The following DGKA variants were observed in gnomAD, a reference collection of about 807,000 sequenced individuals.
DGKA encodes the protein 80 kDa diacylglycerol kinase.
A neutral mutation model predicts 105.0 loss-of-function variants in DGKA; 35 were observed. That is an observed-to-expected ratio of 0.33 (90% CI 0.25 to 0.44). The LOEUF is 0.44. Ranked by LOEUF, DGKA falls within the 20% of genes least tolerant of loss-of-function variation. The pLI is 1.00. For synonymous variants in DGKA, 296 were observed against 332.0 expected (o/e 0.89, Z 1.18); for missense variants, 665 against 915.0 (o/e 0.73, Z 3.53).
At chr12:55,930,774 A>ACAC (rs1446336923), upstream of DGKA, 35 of 40,910 alleles carry the variant, frequency 8.6e-4, no homozygotes, top group African/African-American at 6.8e-3. Context: ...TCCAGTTTGG[A>ACAC]TACAACAATA....
chr12:55,937,566 G>A, intron 4 of DGKA, 23 bp downstream of exon 4: 1 of 1,604,972 alleles, frequency 6.2e-7, no homozygotes, highest in Non-Finnish European at 8.5e-7. Flanking sequence ...AGGTAGGACT[G>A]GGCTAAGCCT....
chr12:55,952,156 C>T lies in DGKA; in HGVS notation c.1652+57C>T. ...CACAGTGTCAGGAGCCAGGTTTTGA[C>T]CAAGTTTGACTCAGATTGCTCAGAA... is the stretch of plus-strand genomic sequence containing the variant. On this transcript the variant is annotated intron_variant, in intron 19 of 23. Transcript: ENST00000331886. This position sits in a 1 kb window ranked among gnomAD's most constrained non-coding sequence, Gnocchi z 5.1. 6.2e-7 allele frequency: 1 copy of T among 1,607,036 alleles called. No individual in the cohort carries two copies. Among genetic ancestry groups the T allele is most frequent in the Non-Finnish European group, 8.5e-7 (1 of 1,173,874 alleles).
rs540528692 is a variant in DGKA, at chr12:55,940,027, A to G, written c.710-55A>G. 6.0e-6 allele frequency: 9 copies of G among 1,489,062 alleles called. No individual in the cohort carries two copies. In the Admixed American group the frequency reaches 1.5e-4, roughly 25 times the overall value. 92.2% of individuals were successfully genotyped at this position (1,489,062 alleles called of 1,614,324 possible). ...GATCCTGCCTCACCCTCAGGTAAGA[A>G]GGAAATAGGGGGAGAGGCTCAGCTA... is the stretch of plus-strand genomic sequence containing the variant. On this transcript the variant is annotated intron_variant, in intron 9 of 23. Transcript: ENST00000331886. This position sits in a 1 kb window ranked among gnomAD's most constrained non-coding sequence, Gnocchi z 4.3.
In DGKA at chr12:55,937,692, G is replaced by A. The variant is rs1311648756; in HGVS notation, c.274+149G>A. ...GTCAGGCTGGTCTAGGAGCTAAAGG[G>A]AGGAAAGGTAAAGGGGAAAGGTAAG... On this transcript the variant is annotated intron_variant, in intron 4 of 23. Coordinates refer to ENST00000331886, the MANE Select transcript of DGKA (RefSeq NM_001345.5). 6.4e-6 allele frequency: 7 copies of A among 1,089,872 alleles called. No homozygotes were observed. The South Asian group carries it at 9.3e-5, about 15-fold the overall frequency. 67.5% of individuals were successfully genotyped at this position (1,089,872 alleles called of 1,614,324 possible).
chr12:55,938,417 T>C (rs771842893), intron 5 of DGKA, 94 bp from the exon 6 acceptor site: 15 of 1,525,410 alleles, frequency 9.8e-6, no homozygotes, highest in Non-Finnish European at 1.3e-5. Flanking sequence ...ACCCAAAAGC[T>C]CTCTCCCTGT....
At position 55,953,788 on chromosome 12, in the gene DGKA, CAA is replaced by C; in HGVS notation, c.*21_*22del. 1 of 1,611,352 alleles carries C rather than the reference CAA, an allele frequency of 6.2e-7. No individual in the cohort carries two copies. The highest frequency in any genetic ancestry group is 8.5e-7 in the Non-Finnish European group (1 of 1,177,536). ...AGCTAAGGGGGACACCCTTGGCCTC[CAA>C]GCCAGCCTTGAACCCACCTCCCTGT... On this transcript the variant is annotated 3_prime_UTR_variant, in exon 24 of 24. Coordinates refer to ENST00000331886, the MANE Select transcript of DGKA (RefSeq NM_001345.5).
At position 55,953,687 on chromosome 12, in the gene DGKA, C is replaced by G. The variant is rs199767962; in HGVS notation, c.2127C>G (p.Ile709Met). The G allele has an allele frequency of 1.8e-5, 29 of 1,614,050 alleles. No individual in the cohort carries two copies. The African/African-American group carries it at 3.2e-4, about 18-fold the overall frequency. Residue 709 changes from isoleucine to methionine, a missense_variant and splice_region_variant, in exon 24 of 24, where the codon ATC becomes ATG. Around this residue, in one of 3 missense-constraint regions of DGKA, gnomAD observed 158 missense variants for 213.4 expected, o/e 0.74. Transcript: ENST00000331886. ...GAATGTGCTCCCTTCCCTTCCAGAT[C>G]AAGATCACCCACAAGAACCAGATGC... ...GEPWMQTPCT[I>M]KITHKNQMPM...
In DGKA at chr12:55,952,746, C is replaced by T; in HGVS notation, c.1756C>T (p.Pro586Ser). The change falls in exon 21 of 24, where the codon CCG (proline) becomes TCG (serine). Residue 586 changes from proline to serine, a missense_variant. By Grantham distance (74) the Pro-to-Ser change is moderately conservative. Around this residue, in one of 3 missense-constraint regions of DGKA, gnomAD observed 158 missense variants for 213.4 expected, o/e 0.74. Transcript: ENST00000331886. This position sits in a 1 kb window ranked among gnomAD's most constrained non-coding sequence, Gnocchi z 5.1. ...CCCCTCCTCTCAGATCTGTGGGAAA[C>T]CGCTGGATCTGAGCAACCTGTCCCT... ...ESLTVEICGK[P>S]LDLSNLSLEG... is the part of the protein sequence containing the mutation. The T allele has an allele frequency of 1.2e-6, 2 of 1,614,030 alleles. No homozygotes were observed. Among genetic ancestry groups the T allele is most frequent in the Non-Finnish European group, 1.7e-6 (2 of 1,180,018 alleles).
chr12:55,936,287 G>A lies in DGKA; in HGVS notation c.-81-136G>A, dbSNP rs142727493. 3.5e-4 allele frequency: 339 copies of A among 975,302 alleles called. 1 individual carries two copies. Among genetic ancestry groups the A allele is most frequent in the Admixed American group, 1.1e-3 (35 of 31,586 alleles). The allele number at this position is 975,302 out of a possible 1,614,324, so 60.4% of individuals were successfully genotyped here. ...GGGAAGAGGGACACAGGGAAAGGAA[G>A]ATGTTTAGGGAGGGACTAGGAGAGA... On this transcript the variant is annotated intron_variant, in intron 1 of 23. Transcript: ENST00000331886.
intron 1 of DGKA, among the ~76,000 whole-genome samples, chr12:55,933,861 C>T (rs1002749837): frequency 6.6e-6 from 1 of 152,162 alleles, no homozygotes; most frequent in Non-Finnish European, 1.5e-5. Flanking sequence ...TAGGTACTAC[C>T]CTTGTGTAAT....
chr12:55,936,891 C>G, intron 2 of DGKA, 126 bp from the exon 3 acceptor site: 1 of 930,554 alleles, frequency 1.1e-6, no homozygotes, highest in Non-Finnish European at 1.8e-6. Context: ...ATTTTTCCCT[C>G]TGTATTTCTG....
chr12:55,947,859 C>T (rs540085040), intron 17 of DGKA, among the ~76,000 whole-genome samples: 29 of 152,202 alleles, frequency 1.9e-4, no homozygotes, highest in East Asian at 1.8e-3. Context: ...AGTACAATCT[C>T]GGCTCACTGC....
intron 2 of DGKA, chr12:55,936,769 C>A: frequency 1.1e-6 from 1 of 896,992 alleles, no homozygotes; most frequent in Non-Finnish European, 1.8e-6. Flanking sequence ...TCTAACTGGG[C>A]TGCATTGTGC....
upstream of DGKA, chr12:55,927,511 C>G: frequency 1.4e-6 from 1 of 692,948 alleles, no homozygotes; most frequent in East Asian, 2.7e-5. Context: ...CTGGCCTGCA[C>G]CCAGATCTCA....
chr12:55,952,577 C>T lies in DGKA; in HGVS notation c.1743+146C>T. 8.5e-7 allele frequency: 1 copy of T among 1,178,228 alleles called. No individual in the cohort carries two copies. Among genetic ancestry groups the T allele is most frequent in the Non-Finnish European group, 1.2e-6 (1 of 804,104 alleles). The allele number at this position is 1,178,228 out of a possible 1,614,324, so 73.0% of individuals were successfully genotyped here. On this transcript the variant is annotated intron_variant, in intron 20 of 23. Transcript: ENST00000331886. This position sits in a 1 kb window ranked among gnomAD's most constrained non-coding sequence, Gnocchi z 5.1. Reference sequence around the variant, plus strand: ...CTCTCCTACCCCAATTCTCCAAGTCCTCAAGATACACTAGTCCCTATTTCC... The same window carrying T: ...CTCTCCTACCCCAATTCTCCAAGTCTTCAAGATACACTAGTCCCTATTTCC...
intron 17 of DGKA, among the ~76,000 whole-genome samples, chr12:55,946,057 A>G (rs927363633): frequency 6.6e-6 from 1 of 151,828 alleles, no homozygotes; most frequent in East Asian, 1.9e-4. Context: ...CAAAGTGCTG[A>G]GATTACAGGC....
intron 18 of DGKA, 50 bp downstream of exon 18, chr12:55,951,833 T>C (rs1316081977): frequency 6.3e-7 from 1 of 1,597,538 alleles, no homozygotes; most frequent in Non-Finnish European, 8.5e-7. Flanking sequence ...GGCCAAGCAG[T>C]CAGAGGCTGG....
At chr12:55,927,611 C>T, upstream of DGKA, 2 of 1,377,966 alleles carry the variant, frequency 1.5e-6, no homozygotes, top group Non-Finnish European at 2.0e-6. Flanking sequence ...CCTATCTAAC[C>T]CTAAGAAGGT....
rs1416488007 is a variant in DGKA, at chr12:55,942,020, C to G, written c.1273C>G (p.Pro425Ala). 6.2e-7 allele frequency: 1 copy of G among 1,614,148 alleles called. No individual in the cohort carries two copies. The highest frequency in any genetic ancestry group is 8.5e-7 in the Non-Finnish European group (1 of 1,180,012). Residue 425 changes from proline (P) to alanine (A), a missense_variant, in exon 16 of 24, where the codon CCT becomes GCT. By Grantham distance (27) the Pro-to-Ala change is conservative. Transcript: ENST00000331886. ...EIGLRLFKDV[P>A]DSRILVCGGD... The stretch of plus-strand genomic sequence containing the variant: ...CAGGCTCCGATTATTCAAGGATGTT[C>G]CTGATAGCCGGATTTTGGTGTGTGG...
Sources: gnomAD v4.1 joint callset for allele counts (sites outside exome capture counted in the v4.1 genomes callset) on GRCh38, gnomAD v4.1.1 for gene constraint, gnomAD v4.1.1 regional missense constraint, Gnocchi (gnomAD v3.1) non-coding constraint, MANE v1.5 for transcripts, NCBI Gene and HGNC (gene_info 2026-07-23, HGNC 2026-07-21) for gene names.